PTPRK: variants seen among roughly 807,000 people sequenced by gnomAD.
PTPRK encodes protein tyrosine phosphatase receptor type K, also known as receptor-type tyrosine-protein phosphatase kappa.
In PTPRK, 75 loss-of-function variants were observed where a neutral mutation model predicts 178.0. The observed-to-expected ratio is 0.42, with a 90% CI of 0.35 to 0.51. PTPRK has a LOEUF of 0.51. Among genes scored for constraint, PTPRK ranks in the 20% least tolerant of loss-of-function variants. PTPRK has a pLI of 0.02. For synonymous variants in PTPRK, 637 were observed against 620.6 expected, an observed-to-expected ratio of 1.03 and a Z score of -0.39; for missense variants, 1,441 against 1,797.8, an observed-to-expected ratio of 0.80 and a Z score of 3.59.
intron 2 of PTPRK, among the ~76,000 whole-genome samples, chr6:128,393,070 TG>T (rs1384291405): frequency 2.0e-5 from 3 of 151,324 alleles, no homozygotes; most frequent in African/African-American, 7.3e-5. Flanking sequence ...CAAAAAAATA[TG>T]GTCTATGTTC....
chr6:128,115,071 T>G (rs1791272679), intron 7 of PTPRK, among the ~76,000 whole-genome samples: 1 of 152,032 alleles, frequency 6.6e-6, no homozygotes, highest in South Asian at 2.1e-4. Flanking sequence ...TCTGTCACAT[T>G]CAAGGTAATG....
At chr6:128,017,373 C>A (rs73582629) in intron 13 of PTPRK, among the ~76,000 whole-genome samples, 1 of 151,948 alleles carries the variant, frequency 6.6e-6, no homozygotes, top group Non-Finnish European at 1.5e-5. Flanking sequence ...CTAACTCTCA[C>A]TCTTGAAAGT....
chr6:128,110,276 G>A (rs1287350015), intron 7 of PTPRK, among the ~76,000 whole-genome samples: 3 of 152,050 alleles, frequency 2.0e-5, no homozygotes, highest in Non-Finnish European at 1.5e-5. Flanking sequence ...TAAATATTAT[G>A]CACTCAAAGA....
At chr6:128,345,434 G>T (rs540469964) in intron 2 of PTPRK, among the ~76,000 whole-genome samples, 1 of 152,030 alleles carries the variant, frequency 6.6e-6, no homozygotes, top group Admixed American at 6.6e-5. Context: ...GTATGTTCAC[G>T]ATCTCCTCAA....
chr6:128,407,064 C>T (rs1210212442), intron 1 of PTPRK, among the ~76,000 whole-genome samples: 2 of 152,194 alleles, frequency 1.3e-5, no homozygotes, highest in African/African-American at 2.4e-5. Context: ...CTGCTTCCAA[C>T]TACTACTTAG....
At chr6:128,043,806 T>TG (rs1005614954) in intron 13 of PTPRK, among the ~76,000 whole-genome samples, 13 of 9,524 alleles carry the variant, frequency 1.4e-3, no homozygotes, top group Admixed American at 7.2e-3. Context: ...AGAAGAAAAC[T>TG]TTTTTTTTAC....
At chr6:128,224,872 C>T (rs1811008345) in intron 5 of PTPRK, among the ~76,000 whole-genome samples, 2 of 152,156 alleles carry the variant, frequency 1.3e-5, no homozygotes, top group African/African-American at 2.4e-5. Context: ...TGCTGATGCA[C>T]TCAGGATGGC....
intron 3 of PTPRK, among the ~76,000 whole-genome samples, chr6:128,258,130 T>C (rs995781965): frequency 6.6e-6 from 1 of 152,188 alleles, no homozygotes; most frequent in African/African-American, 2.4e-5. Flanking sequence ...AAAATCATTT[T>C]CTTTATACAT....
At chr6:128,115,507 C>T (rs891108625) in intron 7 of PTPRK, among the ~76,000 whole-genome samples, 1 of 151,832 alleles carries the variant, frequency 6.6e-6, no homozygotes, top group Non-Finnish European at 1.5e-5. Flanking sequence ...AAAAGCTGAT[C>T]ATAAAAATAA....
At chr6:128,055,681 C>A (rs144720063) in intron 13 of PTPRK, among the ~76,000 whole-genome samples, 2 of 152,234 alleles carry the variant, frequency 1.3e-5, no homozygotes, top group African/African-American at 4.8e-5. Flanking sequence ...CTTACTGCTG[C>A]CTCGAACTCC....
chr6:128,132,423 C>T (rs1794393950), intron 7 of PTPRK, among the ~76,000 whole-genome samples: 1 of 152,178 alleles, frequency 6.6e-6, no homozygotes, highest in Non-Finnish European at 1.5e-5. Context: ...CCGCCCGCCT[C>T]GGCCTCCCAA....
chr6:127,978,718 T>C (rs974017031), intron 25 of PTPRK, among the ~76,000 whole-genome samples: 1 of 152,106 alleles, frequency 6.6e-6, no homozygotes, highest in Non-Finnish European at 1.5e-5. Context: ...GGGATATGCA[T>C]GAGGAGGAGC....
At chr6:128,143,504 A>G (rs1460682447) in intron 7 of PTPRK, among the ~76,000 whole-genome samples, 1 of 152,160 alleles carries the variant, frequency 6.6e-6, no homozygotes, top group Non-Finnish European at 1.5e-5. Flanking sequence ...GTGTTTTAGA[A>G]TATTACCACA....
intron 6 of PTPRK, among the ~76,000 whole-genome samples, chr6:128,202,468 G>T (rs1428397591): frequency 1.3e-5 from 2 of 152,110 alleles, no homozygotes; most frequent in African/African-American, 4.8e-5. Flanking sequence ...CTCTGGACCC[G>T]GGATTCCCAG....
At chr6:128,079,037 T>C (rs1056347470) in intron 10 of PTPRK, 119 bp from the exon 11 acceptor site, 14 of 557,548 alleles carry the variant, frequency 2.5e-5, no homozygotes, top group Non-Finnish European at 4.1e-5. Flanking sequence ...ATCTACAACG[T>C]ATTTTGTTTT....
chr6:128,338,228 G>T (rs1831201084), intron 2 of PTPRK, among the ~76,000 whole-genome samples: 1 of 152,094 alleles, frequency 6.6e-6, no homozygotes, highest in Non-Finnish European at 1.5e-5. Context: ...AGTAGCTGTG[G>T]CAGTCAATAG....
At chr6:128,194,059 T>C (rs1299307852) in intron 6 of PTPRK, among the ~76,000 whole-genome samples, 2 of 133,016 alleles carry the variant, frequency 1.5e-5, no homozygotes, top group African/African-American at 3.0e-5. Flanking sequence ...ATAATATTTA[T>C]ATATATATTA....
intron 27 of PTPRK, among the ~76,000 whole-genome samples, chr6:127,974,728 G>A (rs1774329455): frequency 6.6e-6 from 1 of 152,136 alleles, no homozygotes. Context: ...ACTGTAAAAT[G>A]CATCACTTTT....
chr6:128,205,520 TG>T (rs1806777521), intron 6 of PTPRK, among the ~76,000 whole-genome samples: 1 of 151,756 alleles, frequency 6.6e-6, no homozygotes, highest in Non-Finnish European at 1.5e-5. Flanking sequence ...GAGGCTAAGA[TG>T]GGTGGATCAC....
Sources: gnomAD v4.1 joint callset for allele counts (sites outside exome capture counted in the v4.1 genomes callset) on GRCh38, gnomAD v4.1.1 for gene constraint, MANE v1.5 for transcripts, NCBI Gene and HGNC (gene_info 2026-07-23, HGNC 2026-07-21) for gene names.